The following IDO2 variants were observed in gnomAD, a reference collection of about 807,000 sequenced individuals.
The protein encoded by IDO2 is indoleamine 2,3-dioxygenase-like 1 protein.
In IDO2, 46 loss-of-function variants were observed where a neutral mutation model predicts 45.1. The observed-to-expected ratio is 1.02, with a 90% CI of 0.80 to 1.30. The LOEUF (loss-of-function observed/expected upper bound fraction) is 1.30, where lower values mean the gene tolerates loss of function less well. Ranked by LOEUF, IDO2 falls within the 50% of genes most tolerant of loss-of-function variation. IDO2 has a pLI of 0.00. For missense variants in IDO2, 544 were observed against 491.8 expected, an observed-to-expected ratio of 1.11 and a Z score of -1.00; for synonymous variants, 218 against 184.9, an observed-to-expected ratio of 1.18 and a Z score of -1.45.
intron 1 of IDO2, among the ~76,000 whole-genome samples, chr8:39,943,882 CAGAG>C (rs1807690399): frequency 1.3e-5 from 2 of 152,108 alleles, no homozygotes; most frequent in African/African-American, 4.8e-5. Context: ...AAGTCCTAGC[CAGAG>C]CAATCAAACA....
chr8:39,982,328 C>G (rs1563434346), intron 4 of IDO2, among the ~76,000 whole-genome samples: 1 of 151,702 alleles, frequency 6.6e-6, no homozygotes, highest in African/African-American at 2.4e-5. Flanking sequence ...TATTCTCGGG[C>G]CCCAGTTTAT....
rs201455241 is a variant in IDO2, at chr8:40,006,243, TTC to T, written c.719+867_719+868del. On this transcript the variant is annotated intron_variant, in intron 9 of 10. Transcript: ENST00000502986. ...ACTACTTTGAGTACCCATACAACCATTCTGTTTTTCACATTTGGTACAGTATT... is the reference window on the plus strand; with the variant it reads ...ACTACTTTGAGTACCCATACAACCATTGTTTTTCACATTTGGTACAGTATT... 8.8e-3 allele frequency among the ~76,000 whole-genome samples: 1,341 copies of T among 152,348 alleles called. 27 individuals are homozygous for T. The highest frequency in any genetic ancestry group is 0.025 in the Admixed American group (381 of 15,304).
Position 39,991,169 on chromosome 8 carries a change from C to G in IDO2, c.667+1331C>G, listed in dbSNP as rs1343289976. On this transcript the variant is annotated intron_variant, in intron 8 of 10. Coordinates refer to ENST00000502986, the Ensembl canonical transcript of IDO2. ...CCTCTCAGCACTAGTAGAAATCTAT[C>G]TGAAGTCACAGGATTAGGTATTATC... 2.0e-5 allele frequency among the ~76,000 whole-genome samples: 3 copies of G among 152,200 alleles called. No individual in the cohort carries two copies. The East Asian group carries it at 5.8e-4, about 29-fold the overall frequency.
At chr8:40,002,862 G>T (rs548265947) in intron 8 of IDO2, among the ~76,000 whole-genome samples, 3 of 152,040 alleles carry the variant, frequency 2.0e-5, no homozygotes, top group Non-Finnish European at 4.4e-5. Flanking sequence ...TTAATTTGGA[G>T]AAAAATGACT....
chr8:39,981,601 C>G (rs749804617), intron 4 of IDO2, among the ~76,000 whole-genome samples: 1 of 152,124 alleles, frequency 6.6e-6, no homozygotes, highest in Non-Finnish European at 1.5e-5. Flanking sequence ...GTTTCTCCTC[C>G]CTTGACTTTT....
At chr8:39,995,321 C>T (rs1172759863) in intron 8 of IDO2, 1 of 148,640 alleles carries the variant, frequency 6.7e-6, no homozygotes, top group Admixed American at 6.9e-5. Flanking sequence ...TGCTCTGTTG[C>T]CCAGGCTGGA....
intron 2 of IDO2, among the ~76,000 whole-genome samples, chr8:39,958,597 C>T (rs546525003): frequency 4.6e-5 from 7 of 152,082 alleles, no homozygotes; most frequent in Admixed American, 1.3e-4. Context: ...ATTATAGGCT[C>T]GTGTCACCAC....
At chr8:40,007,009 C>T (rs564586662) in intron 9 of IDO2, among the ~76,000 whole-genome samples, 26 of 152,100 alleles carry the variant, frequency 1.7e-4, no homozygotes, top group Non-Finnish European at 3.7e-4. Flanking sequence ...ATTAGCCATT[C>T]CTTCCTTGAC....
At chr8:39,935,333 C>T (rs1209849083) in intron 1 of IDO2, 115 bp downstream of exon 1, 8 of 885,478 alleles carry the variant, frequency 9.0e-6, no homozygotes, top group Non-Finnish European at 1.5e-5. Context: ...TGTAAAATTC[C>T]TAATTATGTT....
chr8:40,014,660 A>G (rs1802359571), intron 10 of IDO2, among the ~76,000 whole-genome samples: 2 of 152,222 alleles, frequency 1.3e-5, no homozygotes, highest in South Asian at 4.1e-4. Flanking sequence ...TTTGTTGTGT[A>G]GTAAATATTT....
At chr8:39,992,530 T>A (rs1801953977) in intron 8 of IDO2, among the ~76,000 whole-genome samples, 3 of 152,210 alleles carry the variant, frequency 2.0e-5, no homozygotes, top group Admixed American at 2.0e-4. Context: ...ATAGTGGTTT[T>A]TTCACACCTC....
At chr8:40,015,679 C>A in exon 11 of IDO2, 2 of 1,013,070 alleles carry the variant, frequency 2.0e-6, no homozygotes, top group Non-Finnish European at 3.0e-6. Context: ...CAGGGTTCTG[C>A]CTGGGATCAT....
chr8:39,974,463 G>GT (rs1808228693), intron 3 of IDO2, among the ~76,000 whole-genome samples: 1 of 152,236 alleles, frequency 6.6e-6, no homozygotes, highest in Non-Finnish European at 1.5e-5. Flanking sequence ...ATGTAGGAGA[G>GT]TATCTTTATG....
Position 40,013,543 on chromosome 8 carries a change from CTCTCACTTT to C in IDO2, c.720-17_720-9del, listed in dbSNP as rs781295028. 2.5e-6 allele frequency: 4 copies of C among 1,606,552 alleles called. No homozygotes were observed. Among genetic ancestry groups the C allele is most frequent in the Non-Finnish European group, 3.4e-6 (4 of 1,175,714 alleles). ...TTACCTCCCTGCACCCCTTTCATCTCTCTCACTTTTCTCTTGCTTAGATGGAAAGACAAC... is the reference window on the plus strand; with the variant it reads ...TTACCTCCCTGCACCCCTTTCATCTCTCTCTTGCTTAGATGGAAAGACAAC... On this transcript the variant is annotated splice_polypyrimidine_tract_variant and intron_variant, in intron 9 of 10. Transcript: ENST00000502986.
chr8:39,937,971 G>A (rs191191822), intron 1 of IDO2, among the ~76,000 whole-genome samples: 3 of 152,260 alleles, frequency 2.0e-5, no homozygotes, highest in East Asian at 3.9e-4. Context: ...GTAATGAACT[G>A]TTTTATAATA....
chr8:40,015,654 C>T, exon 11 of IDO2: 1 of 1,359,470 alleles, frequency 7.4e-7, no homozygotes, highest in Non-Finnish European at 1.0e-6. Flanking sequence ...GCAGGTGGGC[C>T]TGGAGAATGA....
intron 3 of IDO2, among the ~76,000 whole-genome samples, chr8:39,970,635 A>G (rs1247599523): frequency 1.3e-5 from 2 of 151,066 alleles, no homozygotes; most frequent in African/African-American, 2.4e-5. Context: ...CAGGTGATCC[A>G]CCCGCCTTGG....
rs1029574553 is a variant in IDO2 at position 39,985,046 on chromosome 8, C to T, written c.435-462C>T. On this transcript the variant is annotated intron_variant, in intron 5 of 10. Transcript: ENST00000502986. ...TCCTGGGTTTGAGCAATTCTCCTGC[C>T]TCAGCCTCCTGAGTAGCTGGGATTG... The T allele has an allele frequency of 8.3e-5, 27 of 324,388 alleles. No individual in the cohort carries two copies. The East Asian group carries it at 1.5e-3, about 18-fold the overall frequency. 20.1% of individuals were successfully genotyped at this position (324,388 alleles called of 1,614,324 possible).
chr8:39,999,355 A>G (rs962112876), intron 8 of IDO2, among the ~76,000 whole-genome samples: 4 of 142,368 alleles, frequency 2.8e-5, no homozygotes, highest in African/African-American at 7.9e-5. Context: ...TCTTGGCTCA[A>G]TGCAACCTCT....
Sources: allele counts gnomAD v4.1 joint callset (sites outside exome capture counted in the v4.1 genomes callset), GRCh38; gene constraint gnomAD v4.1.1; transcripts MANE v1.5; gene names NCBI Gene and HGNC (gene_info 2026-07-23, HGNC 2026-07-21).